The following CAB39L variants were observed in gnomAD, a reference collection of about 807,000 sequenced individuals.
The protein encoded by CAB39L is calcium binding protein 39 like.
A neutral mutation model predicts 39.1 loss-of-function variants in CAB39L; 23 were observed. The observed-to-expected ratio is 0.59, with a 90% CI of 0.42 to 0.83. The LOEUF (loss-of-function observed/expected upper bound fraction) is 0.83, where lower values mean the gene tolerates loss of function less well. CAB39L is among the 40% of genes least tolerant of loss of function. The pLI, the probability that CAB39L is intolerant of heterozygous loss-of-function variation, is 0.00. For synonymous variants in CAB39L, 126 were observed against 137.2 expected (o/e 0.92, Z 0.57); for missense variants, 366 against 391.9 (o/e 0.93, Z 0.56).
intron 10 of CAB39L, among the ~76,000 whole-genome samples, chr13:49,315,691 C>G (rs1239751833): frequency 6.6e-6 from 1 of 151,856 alleles, no homozygotes; most frequent in African/African-American, 2.4e-5. Context: ...TTGAGACCAG[C>G]CTGACCAACA....
chr13:49,378,572 G>A (rs1402027900), intron 4 of CAB39L, among the ~76,000 whole-genome samples: 8 of 69,512 alleles, frequency 1.2e-4, no homozygotes, highest in African/African-American at 2.6e-4. Flanking sequence ...CAGCCGCCCC[G>A]TCCGGGAGGG....
intron 7 of CAB39L, among the ~76,000 whole-genome samples, chr13:49,348,475 G>C (rs1955244952): frequency 6.6e-6 from 1 of 152,110 alleles, no homozygotes; most frequent in East Asian, 1.9e-4. Context: ...GGCTGAGGTG[G>C]GAGGATCACC....
chr13:49,443,097 A>AG (rs1377911850), intron 1 of CAB39L, among the ~76,000 whole-genome samples: 3 of 151,480 alleles, frequency 2.0e-5, no homozygotes, highest in African/African-American at 7.3e-5. Context: ...AAAAAAAAAA[A>AG]AAAAGGAGGA....
intron 10 of CAB39L, among the ~76,000 whole-genome samples, chr13:49,329,542 AAAATATATATATATATAT>A (rs1400229710): frequency 0.015 from 587 of 38,424 alleles, 39 homozygotes; most frequent in South Asian, 0.017. Context: ...ATTAAAAAAA[AAAATATATATATATATAT>A]ATATATATAT....
At chr13:49,325,747 C>T (rs1954479521) in intron 10 of CAB39L, among the ~76,000 whole-genome samples, 1 of 152,080 alleles carries the variant, frequency 6.6e-6, no homozygotes, top group South Asian at 2.1e-4. Flanking sequence ...CGAGATCATG[C>T]CACTGCACTC....
At chr13:49,412,031 T>G (rs1360734116) in intron 3 of CAB39L, among the ~76,000 whole-genome samples, 1 of 152,162 alleles carries the variant, frequency 6.6e-6, no homozygotes, top group Non-Finnish European at 1.5e-5. Context: ...CAAAACCCTC[T>G]GTCTCCTTTG....
At chr13:49,376,896 T>C (rs1438132308) in intron 5 of CAB39L, 71 bp downstream of exon 5, 1 of 1,160,424 alleles carries the variant, frequency 8.6e-7, no homozygotes. Context: ...GAATAGTAGA[T>C]AGATAGATAG....
At chr13:49,311,080 A>T (rs912547) in intron 10 of CAB39L, 87 bp from the exon 11 acceptor site, 1 of 1,155,934 alleles carries the variant, frequency 8.7e-7, no homozygotes, top group East Asian at 2.4e-5. Flanking sequence ...CCTCACCCAC[A>T]CTACTCGCGT....
chr13:49,366,612 A>C (rs1350983337), intron 5 of CAB39L, among the ~76,000 whole-genome samples: 1 of 125,786 alleles, frequency 8.0e-6, no homozygotes, highest in African/African-American at 3.1e-5. Flanking sequence ...GGGCAACAAG[A>C]GCGAAACTCT....
intron 3 of CAB39L, among the ~76,000 whole-genome samples, chr13:49,417,670 T>C (rs992971070): frequency 4.7e-5 from 7 of 150,002 alleles, no homozygotes; most frequent in Admixed American, 6.7e-5. Flanking sequence ...AATACACCTT[T>C]GGGAGCTTAA....
At chr13:49,317,647 TAAATATAAGAGCTAAAATTTTCACAGGA>T (rs1954196994) in intron 10 of CAB39L, among the ~76,000 whole-genome samples, 1 of 152,152 alleles carries the variant, frequency 6.6e-6, no homozygotes, top group African/African-American at 2.4e-5. Context: ...ATCAAAGACC[TAAATATAAGAGCTAAAATTTTCACAGGA>T]AAATACAGGG....
intron 6 of CAB39L, chr13:49,351,132 A>T: frequency 5.8e-6 from 2 of 345,102 alleles, no homozygotes; most frequent in Non-Finnish European, 1.0e-5. Flanking sequence ...ATACTCAAAT[A>T]TGAACATGGT....
chr13:49,313,337 C>T (rs545112496), intron 10 of CAB39L, among the ~76,000 whole-genome samples: 22 of 152,192 alleles, frequency 1.4e-4, no homozygotes, highest in African/African-American at 3.9e-4. Flanking sequence ...AAAAATTAGC[C>T]AGGCGTGGTG....
At chr13:49,391,524 G>A (rs1413439768) in intron 3 of CAB39L, among the ~76,000 whole-genome samples, 3 of 151,964 alleles carry the variant, frequency 2.0e-5, no homozygotes, top group African/African-American at 7.3e-5. Flanking sequence ...CCAACCATCT[G>A]GAAAAATACA....
At chr13:49,364,766 T>C (rs546595316) in intron 5 of CAB39L, among the ~76,000 whole-genome samples, 2 of 151,844 alleles carry the variant, frequency 1.3e-5, no homozygotes, top group African/African-American at 2.4e-5. Flanking sequence ...TAATGAAAAC[T>C]ATAAAAAAAT....
chr13:49,437,259 T>C (rs1182983142), intron 1 of CAB39L, among the ~76,000 whole-genome samples: 2 of 152,172 alleles, frequency 1.3e-5, no homozygotes, highest in African/African-American at 2.4e-5. Flanking sequence ...AATAAAGTGT[T>C]TTTTTGTTTG....
In CAB39L at chr13:49,372,919, C is replaced by T. The variant is rs181661864; in HGVS notation, c.276+4048G>A. ...CGATCTCCTGACCTTGTGATCCGCC[C>T]GCCTCGGCCTCCCAAAGTGCTGGGA... On this transcript the variant is annotated intron_variant, in intron 5 of 10. Transcript: ENST00000409308. Among the ~76,000 whole-genome samples, 429 of 152,250 alleles carry T rather than the reference C, an allele frequency of 2.8e-3. 1 individual carries two copies. Among genetic ancestry groups the T allele is most frequent in the African/African-American group, 9.4e-3 (389 of 41,546 alleles).
chr13:49,389,470 G>A (rs572513069), intron 3 of CAB39L, among the ~76,000 whole-genome samples: 4 of 152,116 alleles, frequency 2.6e-5, no homozygotes, highest in East Asian at 1.9e-4. Context: ...GGGAAACCCC[G>A]TCTCCACAAA....
Position 49,424,537 on chromosome 13 carries a change from T to C in CAB39L, c.-32+8781A>G, listed in dbSNP as rs116623091. 5.1e-3 allele frequency among the ~76,000 whole-genome samples: 781 copies of C among 152,258 alleles called. 6 individuals carry two copies. The highest frequency in any genetic ancestry group is 0.018 in the African/African-American group (737 of 41,544). On this transcript the variant is annotated intron_variant, in intron 3 of 10. Transcript: ENST00000409308. ...TCATTAGGTAAAAACCAAGACAATTTGAACAAAGTATGGACTCTAATTAAT... is the reference window on the plus strand; with the variant it reads ...TCATTAGGTAAAAACCAAGACAATTCGAACAAAGTATGGACTCTAATTAAT...
Sources: allele counts gnomAD v4.1 joint callset (sites outside exome capture counted in the v4.1 genomes callset), GRCh38; gene constraint gnomAD v4.1.1; transcripts MANE v1.5; gene names NCBI Gene and HGNC (gene_info 2026-07-23, HGNC 2026-07-21).